Variants in MPP4 observed in about 807,000 individuals in gnomAD.
The protein encoded by MPP4 is MAGUK p55 subfamily member 4.
In MPP4, 91 loss-of-function variants were observed where a neutral mutation model predicts 98.3. The observed-to-expected ratio is 0.93, with a 90% CI of 0.78 to 1.10. The LOEUF (loss-of-function observed/expected upper bound fraction) is 1.10, where lower values mean the gene tolerates loss of function less well. Among genes scored for constraint, MPP4 ranks in the 50% least tolerant of loss-of-function variants. The pLI is 0.00. For synonymous variants in MPP4, 261 were observed against 271.8 expected (o/e 0.96, Z 0.39); for missense variants, 744 against 792.9 (o/e 0.94, Z 0.74).
At chr2:201,670,790 T>TCTTC (rs1688319669) in intron 11 of MPP4, among the ~76,000 whole-genome samples, 1 of 152,242 alleles carries the variant, frequency 6.6e-6, no homozygotes, top group African/African-American at 2.4e-5. Context: ...TAGGAATAGC[T>TCTTC]CTGGTCTGCA....
chr2:201,672,530 G>T (rs1688373589), intron 11 of MPP4, among the ~76,000 whole-genome samples: 1 of 151,900 alleles, frequency 6.6e-6, no homozygotes, highest in African/African-American at 2.4e-5. Flanking sequence ...AAAGAGAGAA[G>T]AATCAAATAG....
At chr2:201,686,092 G>T in intron 5 of MPP4, 42 bp from the exon 6 acceptor site, 1 of 1,601,508 alleles carries the variant, frequency 6.2e-7, no homozygotes. Flanking sequence ...GTCACACATG[G>T]GCCAAACCCC....
At chr2:201,678,442 G>A (rs1207789103) in intron 10 of MPP4, among the ~76,000 whole-genome samples, 1 of 152,106 alleles carries the variant, frequency 6.6e-6, no homozygotes, top group Non-Finnish European at 1.5e-5. Context: ...CTTTCTTCTT[G>A]CTTTAACTGC....
intron 8 of MPP4, 75 bp downstream of exon 8, chr2:201,682,756 A>G (rs1688700891): frequency 7.7e-7 from 1 of 1,292,022 alleles, no homozygotes; most frequent in Non-Finnish European, 1.1e-6. Context: ...CAGTGCACAC[A>G]CGTGGGCTTG....
chr2:201,660,450 C>T (rs1029031933), intron 14 of MPP4, 104 bp from the exon 15 acceptor site: 12 of 1,224,318 alleles, frequency 9.8e-6, no homozygotes, highest in South Asian at 2.5e-5. Flanking sequence ...AAGACGTGCA[C>T]GTCACCACTA....
intron 11 of MPP4, among the ~76,000 whole-genome samples, chr2:201,674,113 A>G (rs1477768880): frequency 6.6e-6 from 1 of 152,218 alleles, no homozygotes; most frequent in Admixed American, 6.5e-5. Flanking sequence ...ATATTTATTC[A>G]CCAAAGGCAT....
intron 1 of MPP4, among the ~76,000 whole-genome samples, chr2:201,697,169 G>A (rs986484099): frequency 5.3e-5 from 8 of 152,178 alleles, no homozygotes; most frequent in Non-Finnish European, 1.0e-4. Context: ...GAGAACCCTC[G>A]CAAGAACCCA....
chr2:201,691,692 T>C (rs1282658389), intron 3 of MPP4, among the ~76,000 whole-genome samples: 5 of 152,108 alleles, frequency 3.3e-5, no homozygotes, highest in Non-Finnish European at 7.4e-5. Context: ...TAATTTTTTG[T>C]ATTTTTAGTA....
chr2:201,676,959 C>T (rs1026548406), intron 10 of MPP4, among the ~76,000 whole-genome samples: 10 of 152,200 alleles, frequency 6.6e-5, no homozygotes, highest in Non-Finnish European at 1.3e-4. Flanking sequence ...GTTTCTTGTG[C>T]ATTCTTCCAG....
Position 201,663,871 on chromosome 2 carries a change from C to A in MPP4, c.1072+210G>T, listed in dbSNP as rs573350863. ...CACTCCAGCCTGAGTGACAGAGAGA[C>A]CTTGTCTCAAAAAAATTAAAAATTA... On this transcript the variant is annotated intron_variant, in intron 14 of 21. Coordinates refer to ENST00000409474, the MANE Select transcript of MPP4 (RefSeq NM_033066.3). Among the ~76,000 whole-genome samples, 47 of 152,000 alleles carry A rather than the reference C, an allele frequency of 3.1e-4. 1 individual carries two copies. The highest frequency in any genetic ancestry group is 9.9e-4 in the African/African-American group (41 of 41,462).
intron 13 of MPP4, 60 bp from the exon 14 acceptor site, chr2:201,664,161 T>C (rs1688100180): frequency 6.6e-7 from 1 of 1,514,878 alleles, no homozygotes; most frequent in African/African-American, 1.4e-5. Flanking sequence ...CTACACTGAG[T>C]CTATATTTTA....
At chr2:201,659,039 G>A (rs1687940188) in intron 15 of MPP4, among the ~76,000 whole-genome samples, 5 of 151,998 alleles carry the variant, frequency 3.3e-5, no homozygotes. Context: ...GGGATTCCAG[G>A]CACGCACCAC....
intron 11 of MPP4, 93 bp downstream of exon 11, chr2:201,675,114 G>T: frequency 7.5e-7 from 1 of 1,327,486 alleles, no homozygotes; most frequent in South Asian, 1.3e-5. Context: ...ATGTGGCATG[G>T]CCAGCCTCAC....
intron 12 of MPP4, among the ~76,000 whole-genome samples, chr2:201,667,272 G>A (rs1159082522): frequency 3.9e-5 from 6 of 152,184 alleles, no homozygotes; most frequent in Non-Finnish European, 8.8e-5. Flanking sequence ...CATTAGAGTG[G>A]ACATCACAGC....
rs200970943 is a variant in MPP4 at position 201,698,608 on chromosome 2, T to C, written c.-122A>G. The C allele has an allele frequency of 1.2e-5, 16 of 1,303,902 alleles. No homozygotes were observed. Among genetic ancestry groups the C allele is most frequent in the Non-Finnish European group, 1.4e-5 (14 of 988,866 alleles). 80.8% of individuals were successfully genotyped at this position (1,303,902 alleles called of 1,614,324 possible). ...TTACCTGCAAGACTGTAAACATGCA[T>C]GTTGCTCCTATCCAGACAAAAGCTT... On this transcript the variant is annotated 5_prime_UTR_variant, in exon 1 of 22. An upstream start codon of the reference 5' UTR is lost. Coordinates refer to ENST00000409474, the MANE Select transcript of MPP4 (RefSeq NM_033066.3).
intron 3 of MPP4, 121 bp downstream of exon 3, chr2:201,692,787 C>A: frequency 1.4e-6 from 2 of 1,388,842 alleles, no homozygotes; most frequent in Non-Finnish European, 1.9e-6. Context: ...TGTGAGATAT[C>A]AATTTCTGTT....
intron 2 of MPP4, among the ~76,000 whole-genome samples, chr2:201,693,307 T>C (rs1341108578): frequency 1.3e-5 from 2 of 152,212 alleles, no homozygotes; most frequent in African/African-American, 4.8e-5. Flanking sequence ...TAGATCGTGA[T>C]GTGCAGATGT....
chr2:201,661,083 G>C (rs1688012586), intron 14 of MPP4, among the ~76,000 whole-genome samples: 1 of 152,024 alleles, frequency 6.6e-6, no homozygotes, highest in Non-Finnish European at 1.5e-5. Context: ...ACCACGCCTG[G>C]CTAATTTTTG....
At chr2:201,681,177 A>G (rs1688655862) in intron 9 of MPP4, 143 bp from the exon 10 acceptor site, 1 of 857,244 alleles carries the variant, frequency 1.2e-6, no homozygotes. Context: ...CACCCTCACC[A>G]AAAAGGAGAA....
Sources: gnomAD v4.1 joint callset for allele counts (sites outside exome capture counted in the v4.1 genomes callset) on GRCh38, gnomAD v4.1.1 for gene constraint, MANE v1.5 for transcripts, NCBI Gene and HGNC (gene_info 2026-07-23, HGNC 2026-07-21) for gene names.